The following RNF13 variants were observed in gnomAD, a reference collection of about 807,000 sequenced individuals.
RNF13 encodes E3 ubiquitin-protein ligase RNF13.
A neutral mutation model predicts 37.7 loss-of-function variants in RNF13; 19 were observed. The observed-to-expected ratio is 0.50, with a 90% CI of 0.35 to 0.74. The LOEUF (loss-of-function observed/expected upper bound fraction) is 0.74. Ranked by LOEUF, RNF13 falls within the 30% of genes least tolerant of loss-of-function variation. The pLI is 0.01. For missense variants in RNF13, 375 were observed against 453.0 expected, an observed-to-expected ratio of 0.83 and a Z score of 1.56; for synonymous variants, 144 against 157.8, an observed-to-expected ratio of 0.91 and a Z score of 0.65.
chr3:149,864,006 GAATT>G, intron 3 of RNF13, among the ~76,000 whole-genome samples: 1 of 105,634 alleles, frequency 9.5e-6, no homozygotes, highest in Non-Finnish European at 1.8e-5. Context: ...TGTTTGATTG[GAATT>G]TTTTTTTTTT....
rs949834917 is a variant in RNF13, at chr3:149,960,063, G to T, written c.708G>T (p.Glu236Asp). Residue 236 changes from glutamate (E) to aspartate (D), a missense_variant, in exon 9 of 10, where the codon GAG becomes GAT. Glu to Asp is a conservative substitution (Grantham distance 45). Coordinates refer to ENST00000392894, the MANE Select transcript of RNF13 (RefSeq NM_183381.3). ...LPVHKFKKGD[E>D]YDVCAICLDE... is the part of the protein sequence containing the mutation. ...CATATTTTCTGTTTTCAGGAGATGA[G>T]TATGATGTATGTGCCATTTGTTTGG... 6.2e-7 allele frequency: 1 copy of T among 1,609,512 alleles called. No homozygotes were observed. The highest frequency in any genetic ancestry group is 8.5e-7 in the Non-Finnish European group (1 of 1,176,148).
chr3:149,846,167 C>T (rs1314010857), intron 2 of RNF13, 27 bp downstream of exon 2: 2 of 1,369,814 alleles, frequency 1.5e-6, no homozygotes, highest in East Asian at 4.6e-5. Context: ...TTATTCATGT[C>T]TAGAAACATC....
intron 7 of RNF13, among the ~76,000 whole-genome samples, chr3:149,916,517 TA>T (rs1318687031): frequency 6.6e-6 from 1 of 152,298 alleles, no homozygotes; most frequent in Non-Finnish European, 1.5e-5. Context: ...TGATGTTAAG[TA>T]GCTTACATTT....
At chr3:149,953,179 C>A (rs185062042) in intron 8 of RNF13, among the ~76,000 whole-genome samples, 1 of 151,934 alleles carries the variant, frequency 6.6e-6, no homozygotes, top group Non-Finnish European at 1.5e-5. Flanking sequence ...AATTCCTAGA[C>A]TTGGGTTTTA....
At chr3:149,922,942 C>T (rs1718295751) in intron 8 of RNF13, among the ~76,000 whole-genome samples, 1 of 151,950 alleles carries the variant, frequency 6.6e-6, no homozygotes, top group Non-Finnish European at 1.5e-5. Context: ...TTTCATATAC[C>T]AGTAAAAATA....
At chr3:149,824,365 G>C (rs1273964756) in intron 1 of RNF13, among the ~76,000 whole-genome samples, 1 of 152,194 alleles carries the variant, frequency 6.6e-6, no homozygotes, top group African/African-American at 2.4e-5. Context: ...AAGATTATCT[G>C]TGTGGGCCCA....
chr3:149,906,645 CTTT>C (rs35801459), intron 6 of RNF13, among the ~76,000 whole-genome samples: 978 of 79,196 alleles, frequency 0.012, 2 homozygotes, highest in Non-Finnish European at 0.018. Flanking sequence ...TTCAATTCTG[CTTT>C]TTTTTTTTTT....
chr3:149,900,312 CAAATA>C (rs1715686720), intron 5 of RNF13, among the ~76,000 whole-genome samples: 1 of 151,552 alleles, frequency 6.6e-6, no homozygotes, highest in South Asian at 2.1e-4. Context: ...TTTTAAGTAT[CAAATA>C]AAATAAGCTT....
chr3:149,879,069 C>CCAG (rs1576810402), intron 4 of RNF13, among the ~76,000 whole-genome samples: 1 of 152,144 alleles, frequency 6.6e-6, no homozygotes, highest in African/African-American at 2.4e-5. Flanking sequence ...TTTGAAGAGG[C>CCAG]CAGGCTCCAG....
intron 8 of RNF13, among the ~76,000 whole-genome samples, chr3:149,929,670 G>T (rs750887841): frequency 2.0e-5 from 3 of 149,364 alleles, no homozygotes; most frequent in Non-Finnish European, 4.4e-5. Context: ...GTTGTGAGTT[G>T]TTGTTGTTGT....
chr3:149,849,682 A>AT (rs1488811567), intron 2 of RNF13, among the ~76,000 whole-genome samples: 1 of 152,188 alleles, frequency 6.6e-6, no homozygotes, highest in Non-Finnish European at 1.5e-5. Context: ...TATTTTCAAC[A>AT]TTCTGTTGTC....
chr3:149,854,926 G>T (rs1159041358), intron 3 of RNF13, among the ~76,000 whole-genome samples: 3 of 152,178 alleles, frequency 2.0e-5, no homozygotes, highest in South Asian at 2.1e-4. Context: ...GGTTTTTGTT[G>T]TTGTTATTTT....
At chr3:149,956,086 G>A (rs1721836095) in intron 8 of RNF13, among the ~76,000 whole-genome samples, 1 of 152,100 alleles carries the variant, frequency 6.6e-6, no homozygotes, top group Non-Finnish European at 1.5e-5. Context: ...CAGGATGTGG[G>A]GGTAGAGGGA....
At chr3:149,840,431 C>T (rs755173729) in intron 1 of RNF13, among the ~76,000 whole-genome samples, 17 of 151,806 alleles carry the variant, frequency 1.1e-4, no homozygotes, top group Non-Finnish European at 1.9e-4. Context: ...AGTGGGAGGA[C>T]GAGGGGCACA....
At chr3:149,818,216 A>C (rs985830762) in intron 1 of RNF13, among the ~76,000 whole-genome samples, 1 of 152,166 alleles carries the variant, frequency 6.6e-6, no homozygotes, top group Non-Finnish European at 1.5e-5. Flanking sequence ...TTTGTCAGGC[A>C]CTGTTCTAAA....
intron 8 of RNF13, among the ~76,000 whole-genome samples, chr3:149,951,099 A>G (rs536734196): frequency 5.9e-5 from 9 of 152,236 alleles, no homozygotes; most frequent in Middle Eastern, 3.4e-3. Flanking sequence ...GTAAAACTCA[A>G]AAAAGCACTG....
intron 4 of RNF13, among the ~76,000 whole-genome samples, chr3:149,887,640 A>G (rs1229530269): frequency 6.6e-6 from 1 of 152,194 alleles, no homozygotes; most frequent in African/African-American, 2.4e-5. Flanking sequence ...GTAGATGATT[A>G]TGTGAACTGC....
At position 149,833,269 on chromosome 3, in the gene RNF13, G is replaced by A. The variant is rs183119166; in HGVS notation, c.-16-12742G>A. On this transcript the variant is annotated intron_variant, in intron 1 of 9. Coordinates refer to ENST00000392894, the MANE Select transcript of RNF13 (RefSeq NM_183381.3). Reference sequence around the variant, plus strand: ...CGAGTAGCTGGGATTACAGGTGCCTGTCACCACACCCAGCTAATTTTTGTA... The same window carrying A: ...CGAGTAGCTGGGATTACAGGTGCCTATCACCACACCCAGCTAATTTTTGTA... Among the ~76,000 whole-genome samples, 3 of 152,088 alleles carry A rather than the reference G, an allele frequency of 2.0e-5. No individual in the cohort carries two copies. The South Asian group carries it at 6.2e-4, about 32-fold the overall frequency.
At chr3:149,951,807 C>A (rs1000010526) in intron 8 of RNF13, among the ~76,000 whole-genome samples, 1 of 152,154 alleles carries the variant, frequency 6.6e-6, no homozygotes, top group Non-Finnish European at 1.5e-5. Context: ...GAAAAACTGT[C>A]ATGTCTACTT....
Sources: gnomAD v4.1 joint callset for allele counts (sites outside exome capture counted in the v4.1 genomes callset) on GRCh38, gnomAD v4.1.1 for gene constraint, MANE v1.5 for transcripts, NCBI Gene and HGNC (gene_info 2026-07-23, HGNC 2026-07-21) for gene names.